Variants in FGF14 observed in about 807,000 individuals in gnomAD.
The protein encoded by FGF14 is fibroblast growth factor 14.
FGF14 carries 5 observed loss-of-function variants against 25.5 expected under a neutral mutation model. The observed-to-expected ratio is 0.20, with a 90% CI of 0.10 to 0.41. The LOEUF is 0.41. FGF14 is among the 10% of genes least tolerant of loss of function. The probability of loss-of-function intolerance (pLI) is 1.00; values close to 1 mark genes in which losing one functional copy is unlikely to be tolerated. For synonymous variants in FGF14, 138 were observed against 118.3 expected, an observed-to-expected ratio of 1.17 and a Z score of -1.08; for missense variants, 222 against 320.1, an observed-to-expected ratio of 0.69 and a Z score of 2.34.
chr13:102,087,865 TACA>T (rs2043996905), intron 1 of FGF14, among the ~76,000 whole-genome samples: 1 of 151,632 alleles, frequency 6.6e-6, no homozygotes, highest in Admixed American at 6.6e-5. Flanking sequence ...ACTCATTTAA[TACA>T]ACAACCATCT....
At chr13:102,393,808 T>C (rs1055082783) in intron 1 of FGF14, 1 of 152,210 alleles carries the variant, frequency 6.6e-6, no homozygotes, top group Non-Finnish European at 1.5e-5. Flanking sequence ...AGTCGCTTCC[T>C]CCACTGGGAA....
intron 1 of FGF14, among the ~76,000 whole-genome samples, chr13:102,106,518 T>C (rs547063816): frequency 8.0e-4 from 109 of 136,052 alleles, no homozygotes; most frequent in African/African-American, 3.0e-3. Context: ...GAGGTTGCAG[T>C]GAGCCAAGAT....
At chr13:102,324,517 C>A (rs2056357102) in intron 1 of FGF14, among the ~76,000 whole-genome samples, 1 of 152,116 alleles carries the variant, frequency 6.6e-6, no homozygotes. Flanking sequence ...TTCTTCCCAC[C>A]CCTTGTGGAG....
intron 1 of FGF14, among the ~76,000 whole-genome samples, chr13:101,950,196 T>C: frequency 6.6e-6 from 1 of 152,156 alleles, no homozygotes; most frequent in Non-Finnish European, 1.5e-5. Context: ...GAGTCTATAA[T>C]GACCTCTCTC....
intron 3 of FGF14, chr13:101,802,014 C>A: frequency 2.3e-6 from 1 of 435,918 alleles, no homozygotes; most frequent in South Asian, 1.8e-5. Flanking sequence ...AAGATGTGCT[C>A]CGACAGGTGA....
intron 1 of FGF14, among the ~76,000 whole-genome samples, chr13:101,961,651 G>A (rs1435176467): frequency 3.3e-5 from 5 of 152,152 alleles, no homozygotes; most frequent in South Asian, 2.1e-4. Context: ...CATGGGGACG[G>A]TTACCTCCAT....
intron 1 of FGF14, among the ~76,000 whole-genome samples, chr13:102,165,300 C>T (rs1407861365): frequency 5.9e-5 from 9 of 151,924 alleles, no homozygotes; most frequent in Admixed American, 5.9e-4. Context: ...TTTGACCCAG[C>T]CATCCCATTA....
intron 1 of FGF14, among the ~76,000 whole-genome samples, chr13:101,947,335 T>C (rs2035872727): frequency 1.3e-5 from 2 of 152,204 alleles, no homozygotes; most frequent in Admixed American, 1.3e-4. Flanking sequence ...TTACTGAGTA[T>C]ACACCCAAAG....
chr13:102,052,428 C>A (rs968430513), intron 1 of FGF14, among the ~76,000 whole-genome samples: 1 of 151,682 alleles, frequency 6.6e-6, no homozygotes, highest in Non-Finnish European at 1.5e-5. Flanking sequence ...TATACCAAGA[C>A]ATATTGTAAC....
At chr13:101,904,204 T>G (rs1007517425) in intron 1 of FGF14, among the ~76,000 whole-genome samples, 3 of 152,170 alleles carry the variant, frequency 2.0e-5, no homozygotes, top group East Asian at 1.9e-4. Flanking sequence ...CAAGGCCCAG[T>G]GTGTCTACCT....
intron 3 of FGF14, among the ~76,000 whole-genome samples, chr13:101,849,324 T>C (rs1464721935): frequency 6.6e-6 from 1 of 152,012 alleles, no homozygotes; most frequent in Non-Finnish European, 1.5e-5. Context: ...AATAACAAAA[T>C]CAGGAGGTGT....
chr13:102,070,667 T>C (rs1467087281), intron 1 of FGF14, among the ~76,000 whole-genome samples: 1 of 152,176 alleles, frequency 6.6e-6, no homozygotes, highest in Non-Finnish European at 1.5e-5. Flanking sequence ...AAAATATGTA[T>C]ATGTACACAT....
intron 1 of FGF14, among the ~76,000 whole-genome samples, chr13:102,052,386 G>A (rs774645669): frequency 1.7e-4 from 26 of 151,880 alleles, no homozygotes; most frequent in Non-Finnish European, 2.8e-4. Flanking sequence ...ATCCAGGTAC[G>A]AGAAGGTCAA....
intron 1 of FGF14, among the ~76,000 whole-genome samples, chr13:102,000,246 G>A (rs1225896822): frequency 6.6e-6 from 1 of 152,214 alleles, no homozygotes; most frequent in Non-Finnish European, 1.5e-5. Flanking sequence ...TTGAACCTGG[G>A]AGGCGGAGCT....
intron 1 of FGF14, among the ~76,000 whole-genome samples, chr13:101,877,208 G>C (rs1364475682): frequency 6.6e-6 from 1 of 152,040 alleles, no homozygotes; most frequent in Non-Finnish European, 1.5e-5. Context: ...GCCTCATTTT[G>C]GGTGAGGGAG....
At chr13:102,401,757 T>C in exon 1 of FGF14, 4 of 1,227,088 alleles carry the variant, frequency 3.3e-6, no homozygotes, top group Admixed American at 1.9e-5. Context: ...TTCTCAGTGA[T>C]TGTTTGTTTT....
chr13:102,083,105 A>G (rs1000032342), intron 1 of FGF14, among the ~76,000 whole-genome samples: 1 of 152,204 alleles, frequency 6.6e-6, no homozygotes, highest in Non-Finnish European at 1.5e-5. Flanking sequence ...GTTCCTTGAT[A>G]TCTTTCTATC....
rs11430268 is a variant in FGF14 at position 102,041,583 on chromosome 13, T to TAAAAAAA, written c.209-166294_209-166288dup. Among the ~76,000 whole-genome samples, 879 of 141,906 alleles carry TAAAAAAA rather than the reference T, an allele frequency of 6.2e-3. 9 individuals carry two copies. Among genetic ancestry groups the TAAAAAAA allele is most frequent in the African/African-American group, 0.021 (797 of 37,782 alleles). The allele number at this position is 141,906 out of a possible 152,430, so 93.1% of individuals were successfully genotyped here. A position where few individuals can be genotyped will look rare whatever the true frequency, so the allele number is the denominator to read the frequency against. ...GCAAAAATTACTTTGTGTTTCCATG[T>TAAAAAAA]AAAAAAAAAAAAAGAGAGATTTTAT... On this transcript the variant is annotated intron_variant, in intron 1 of 4. Transcript: ENST00000376131.
chr13:102,026,493 C>A (rs945565264), intron 1 of FGF14, among the ~76,000 whole-genome samples: 1 of 151,788 alleles, frequency 6.6e-6, no homozygotes, highest in Non-Finnish European at 1.5e-5. Flanking sequence ...CTTCAAAGAT[C>A]TTGAACACAT....
Sources: gnomAD v4.1 joint callset for allele counts (sites outside exome capture counted in the v4.1 genomes callset) on GRCh38, gnomAD v4.1.1 for gene constraint, MANE v1.5 for transcripts, NCBI Gene and HGNC (gene_info 2026-07-23, HGNC 2026-07-21) for gene names.